Variants in FARS2 observed in about 807,000 individuals in gnomAD.
FARS2 encodes phenylalanine--tRNA ligase, mitochondrial.
FARS2 carries 40 observed loss-of-function variants against 46.4 expected under a neutral mutation model. That is an observed-to-expected ratio of 0.86 (90% confidence interval 0.67 to 1.12). The LOEUF (loss-of-function observed/expected upper bound fraction) is 1.12. FARS2 is among the 50% of genes most tolerant of loss of function. The pLI, the probability that FARS2 is intolerant of heterozygous loss-of-function variation, is 0.00. For synonymous variants in FARS2, 234 were observed against 214.9 expected, an observed-to-expected ratio of 1.09 and a Z score of -0.78; for missense variants, 513 against 567.9, an observed-to-expected ratio of 0.90 and a Z score of 0.98.
intron 1 of FARS2, among the ~76,000 whole-genome samples, chr6:5,363,022 G>A (rs544005195): frequency 2.0e-5 from 3 of 151,032 alleles, no homozygotes; most frequent in South Asian, 4.2e-4. Context: ...TGCCTCCTGG[G>A]TTCACACCAT....
intron 6 of FARS2, among the ~76,000 whole-genome samples, chr6:5,701,672 C>T (rs185027448): frequency 8.3e-4 from 126 of 152,214 alleles, no homozygotes; most frequent in East Asian, 6.9e-3. Context: ...CATCCCTAAA[C>T]GAACAGTAGC....
chr6:5,631,554 C>T (rs113195882), intron 6 of FARS2, among the ~76,000 whole-genome samples: 3 of 152,324 alleles, frequency 2.0e-5, no homozygotes, highest in African/African-American at 7.2e-5. Flanking sequence ...AGCCAGGGCC[C>T]TCTAAGGCAG....
At chr6:5,386,530 A>G (rs1025616560) in intron 2 of FARS2, among the ~76,000 whole-genome samples, 1 of 152,190 alleles carries the variant, frequency 6.6e-6, no homozygotes, top group African/African-American at 2.4e-5. Flanking sequence ...GGTGATGGAA[A>G]GAGTTGTTAG....
chr6:5,594,868 C>T (rs1306810268), intron 5 of FARS2, among the ~76,000 whole-genome samples: 1 of 152,206 alleles, frequency 6.6e-6, no homozygotes, highest in Non-Finnish European at 1.5e-5. Context: ...AGCCTCTGCT[C>T]CTGGTTGCCA....
intron 4 of FARS2, among the ~76,000 whole-genome samples, chr6:5,474,231 GT>G: frequency 6.6e-6 from 1 of 152,164 alleles, no homozygotes; most frequent in Non-Finnish European, 1.5e-5. Flanking sequence ...AGCCAGCACG[GT>G]TTGTTCATTT....
At chr6:5,558,010 G>C (rs1221795747) in intron 5 of FARS2, among the ~76,000 whole-genome samples, 3 of 152,068 alleles carry the variant, frequency 2.0e-5, no homozygotes, top group East Asian at 1.9e-4. Context: ...TAGATCTTCA[G>C]AGTTACCAAG....
At chr6:5,279,965 C>G (rs1297587310) in intron 1 of FARS2, among the ~76,000 whole-genome samples, 1 of 152,220 alleles carries the variant, frequency 6.6e-6, no homozygotes, top group Non-Finnish European at 1.5e-5. Context: ...CCCCAAGGCC[C>G]AGTCATGTTG....
In FARS2 at chr6:5,609,631, C is replaced by T. The variant is rs560028811; in HGVS notation, c.1066-3538C>T. The T allele has an allele frequency of 5.7e-5, 69 of 1,207,574 alleles. 1 individual carries two copies. The African/African-American group carries it at 6.7e-4, about 12-fold the overall frequency. 74.8% of individuals were successfully genotyped at this position (1,207,574 alleles called of 1,614,324 possible). Reference sequence around the variant, plus strand: ...CTCTTTGGCTGAAAGAAGCACTCACCATCTCTTGCTTTGACAGGGCTTTCC... The same window carrying T: ...CTCTTTGGCTGAAAGAAGCACTCACTATCTCTTGCTTTGACAGGGCTTTCC... On this transcript the variant is annotated intron_variant, in intron 5 of 6. Coordinates refer to ENST00000274680, the MANE Select transcript of FARS2 (RefSeq NM_006567.5).
intron 6 of FARS2, among the ~76,000 whole-genome samples, chr6:5,643,416 T>C (rs12663382): frequency 0.15 from 23,262 of 152,048 alleles, 2,212 homozygotes; most frequent in South Asian, 0.25. Context: ...GAGAAAAACC[T>C]CAGATAGGAG....
rs374231923 is a variant in FARS2 at position 5,338,725 on chromosome 6, T to A, written c.-21-29825T>A. Among the ~76,000 whole-genome samples, 57 of 152,306 alleles carry A rather than the reference T, an allele frequency of 3.7e-4. No homozygotes were observed. In the South Asian group the frequency reaches 9.3e-3, roughly 25 times the overall value. Reference sequence around the variant, plus strand: ...TTTCATTCTGTGTATGTGAGACGTGTTTACAGTTTGGCACAGTTTTCATGG... The same window carrying A: ...TTTCATTCTGTGTATGTGAGACGTGATTACAGTTTGGCACAGTTTTCATGG... On this transcript the variant is annotated intron_variant, in intron 1 of 6. Coordinates refer to ENST00000274680, the MANE Select transcript of FARS2 (RefSeq NM_006567.5).
intron 6 of FARS2, among the ~76,000 whole-genome samples, chr6:5,735,013 C>T (rs1427839524): frequency 1.3e-5 from 2 of 152,114 alleles, no homozygotes; most frequent in African/African-American, 2.4e-5. Flanking sequence ...ATTCACTCCG[C>T]GTTTATTGCC....
At chr6:5,295,734 T>G (rs1230915701) in intron 1 of FARS2, among the ~76,000 whole-genome samples, 1 of 152,226 alleles carries the variant, frequency 6.6e-6, no homozygotes, top group African/African-American at 2.4e-5. Flanking sequence ...AGGTGAAGAC[T>G]CAGTTCAGAA....
At chr6:5,683,974 T>A (rs1050546262) in intron 6 of FARS2, among the ~76,000 whole-genome samples, 1 of 152,238 alleles carries the variant, frequency 6.6e-6, no homozygotes, top group African/African-American at 2.4e-5. Flanking sequence ...GGCTGCATAG[T>A]ATTCCATGGT....
the FARS2 span, among the ~76,000 whole-genome samples, chr6:5,253,601 G>A: frequency 6.6e-6 from 1 of 152,140 alleles, no homozygotes; most frequent in Admixed American, 6.5e-5. Flanking sequence ...AAGGTACAGT[G>A]CTGTGGTGGT....
intron 5 of FARS2, among the ~76,000 whole-genome samples, chr6:5,589,545 G>A (rs796908387): frequency 2.0e-5 from 3 of 152,328 alleles, no homozygotes; most frequent in African/African-American, 7.2e-5. Flanking sequence ...GTTTTTCAGA[G>A]CCTGCTCGAT....
intron 5 of FARS2, among the ~76,000 whole-genome samples, chr6:5,566,164 A>T (rs1327044278): frequency 1.3e-5 from 2 of 152,202 alleles, no homozygotes; most frequent in Non-Finnish European, 2.9e-5. Flanking sequence ...TGTCATTACA[A>T]GGCAGCCCAA....
intron 1 of FARS2, among the ~76,000 whole-genome samples, chr6:5,300,927 G>A (rs1561942422): frequency 1.3e-5 from 2 of 151,940 alleles, no homozygotes; most frequent in Non-Finnish European, 2.9e-5. Context: ...TAGAGATGGG[G>A]TCTTGCCATG....
At chr6:5,424,951 G>A (rs1372334241) in intron 3 of FARS2, among the ~76,000 whole-genome samples, 5 of 152,146 alleles carry the variant, frequency 3.3e-5, no homozygotes, top group Non-Finnish European at 7.3e-5. Context: ...GGTTATCGAG[G>A]ATGATCCCAG....
At chr6:5,449,358 A>AAAAAAAAAAAG (rs1385895864) in intron 4 of FARS2, among the ~76,000 whole-genome samples, 20 of 151,088 alleles carry the variant, frequency 1.3e-4, no homozygotes, top group South Asian at 8.3e-4. Flanking sequence ...ATCTCAAAAA[A>AAAAAAAAAAAG]AAAAAAAAGA....
Sources: gnomAD v4.1 joint callset for allele counts (sites outside exome capture counted in the v4.1 genomes callset) on GRCh38, gnomAD v4.1.1 for gene constraint, MANE v1.5 for transcripts, NCBI Gene and HGNC (gene_info 2026-07-23, HGNC 2026-07-21) for gene names.